The following CSRNP3 variants were observed in gnomAD, a reference collection of about 807,000 sequenced individuals.
The protein encoded by CSRNP3 is cysteine/serine-rich nuclear protein 3.
Under a neutral mutation model 48.0 loss-of-function variants are expected in CSRNP3, and 12 were observed. The ratio of observed to expected loss-of-function variants is 0.25; its 90% CI spans 0.16 to 0.41. The LOEUF (loss-of-function observed/expected upper bound fraction) is 0.41, where lower values mean the gene tolerates loss of function less well. Ranked by LOEUF, CSRNP3 falls within the 10% of genes least tolerant of loss-of-function variation. CSRNP3 has a pLI of 1.00. For missense variants in CSRNP3, 580 were observed against 724.4 expected, an observed-to-expected ratio of 0.80 and a Z score of 2.29; for synonymous variants, 263 against 269.7, an observed-to-expected ratio of 0.98 and a Z score of 0.24.
chr2:165,588,461 G>A (rs999830299), intron 3 of CSRNP3, among the ~76,000 whole-genome samples: 27 of 152,218 alleles, frequency 1.8e-4, no homozygotes, highest in Admixed American at 1.6e-3. Flanking sequence ...CAGTGGATGC[G>A]AGAGAATAAT....
intron 1 of CSRNP3, among the ~76,000 whole-genome samples, chr2:165,479,202 A>G (rs1159171484): frequency 2.0e-5 from 3 of 152,192 alleles, no homozygotes; most frequent in African/African-American, 7.2e-5. Context: ...AAGGAAAATT[A>G]AGTAACGTAG....
chr2:165,477,820 T>C (rs1683985329), intron 1 of CSRNP3, among the ~76,000 whole-genome samples: 1 of 151,918 alleles, frequency 6.6e-6, no homozygotes, highest in Non-Finnish European at 1.5e-5. Flanking sequence ...CTGCAAAAGA[T>C]ACAAAATTTA....
intron 1 of CSRNP3, among the ~76,000 whole-genome samples, chr2:165,477,195 A>G (rs1437421029): frequency 6.6e-6 from 1 of 152,054 alleles, no homozygotes; most frequent in Admixed American, 6.6e-5. Flanking sequence ...ATAATTGAAG[A>G]TTTCATAAAA....
chr2:165,545,995 G>A (rs1015672806), intron 3 of CSRNP3, among the ~76,000 whole-genome samples: 1 of 151,982 alleles, frequency 6.6e-6, no homozygotes, highest in African/African-American at 2.4e-5. Flanking sequence ...TTATTTGTCT[G>A]CAGTACATAA....
intron 3 of CSRNP3, among the ~76,000 whole-genome samples, chr2:165,559,796 C>CTTTTTTTTTT (rs11313094): frequency 9.0e-4 from 89 of 98,422 alleles, no homozygotes; most frequent in Non-Finnish European, 1.3e-3. Context: ...TTCTTTCTTT[C>CTTTTTTTTTT]TTTTTTTTTT....
At chr2:165,600,254 G>C (rs1009607298) in intron 4 of CSRNP3, among the ~76,000 whole-genome samples, 41 of 145,436 alleles carry the variant, frequency 2.8e-4, no homozygotes, top group East Asian at 8.0e-4. Context: ...CCCTACAAAG[G>C]ACATGAACTC....
At chr2:165,597,034 G>GAT (rs981678916) in intron 4 of CSRNP3, among the ~76,000 whole-genome samples, 1 of 152,086 alleles carries the variant, frequency 6.6e-6, no homozygotes, top group Non-Finnish European at 1.5e-5. Flanking sequence ...GTTGAGCCTG[G>GAT]ATATATATAC....
At chr2:165,575,162 T>C (rs536708925) in intron 3 of CSRNP3, among the ~76,000 whole-genome samples, 14 of 152,312 alleles carry the variant, frequency 9.2e-5, no homozygotes, top group African/African-American at 2.4e-4. Context: ...AAAAGTCTTC[T>C]TTCCATGCAC....
intron 4 of CSRNP3, among the ~76,000 whole-genome samples, chr2:165,654,909 C>T (rs1345509939): frequency 2.0e-5 from 3 of 152,258 alleles, no homozygotes; most frequent in South Asian, 2.1e-4. Context: ...GGATTACAGG[C>T]GTCAGCCTCA....
chr2:165,543,574 C>G (rs948678599), intron 3 of CSRNP3, among the ~76,000 whole-genome samples: 2 of 151,866 alleles, frequency 1.3e-5, no homozygotes, highest in Non-Finnish European at 2.9e-5. Flanking sequence ...AAACTAAATT[C>G]TTTTCTTTTT....
chr2:165,550,556 CGTT>C (rs1685083393), intron 3 of CSRNP3, among the ~76,000 whole-genome samples: 2 of 152,288 alleles, frequency 1.3e-5, no homozygotes, highest in South Asian at 4.1e-4. Context: ...AATATGCTTA[CGTT>C]GTTCCTGTTG....
At chr2:165,558,549 C>T (rs748009451) in intron 3 of CSRNP3, among the ~76,000 whole-genome samples, 3 of 152,024 alleles carry the variant, frequency 2.0e-5, no homozygotes, top group Admixed American at 6.6e-5. Context: ...TCCATCATTC[C>T]ACTGTTAAAC....
chr2:165,619,154 A>G (rs1456715684), intron 4 of CSRNP3, among the ~76,000 whole-genome samples: 1 of 152,184 alleles, frequency 6.6e-6, no homozygotes, highest in East Asian at 1.9e-4. Context: ...AGAGCAACCA[A>G]CAGTTAAACT....
In CSRNP3 at chr2:165,676,615, G is replaced by C; in HGVS notation, c.705+7G>C. 1 of 1,609,776 alleles carries C rather than the reference G, an allele frequency of 6.2e-7. No homozygotes were observed. Among genetic ancestry groups the C allele is most frequent in the Non-Finnish European group, 8.5e-7 (1 of 1,176,454 alleles). ...GGCTGGCATTAAGTGCCAGGTAAGG[G>C]TTGGGAATTCAGGGCATCCAAAGAC... is the stretch of plus-strand genomic sequence containing the variant. On this transcript the variant is annotated splice_region_variant and intron_variant, in intron 6 of 6. Coordinates refer to ENST00000651982, the MANE Select transcript of CSRNP3 (RefSeq NM_001172173.2).
rs71028497 is a variant in CSRNP3, at chr2:165,653,972, C to CAAAAAAAAAAAAA, written c.149-3765_149-3753dup. ...GGGCAACAAGAGCGAAGCTCTATCA[C>CAAAAAAAAAAAAA]AAAAAAAAAAAAAAAAAAAAAAAAA... On this transcript the variant is annotated intron_variant, in intron 4 of 6. Transcript: ENST00000651982. Among the ~76,000 whole-genome samples, 11 of 41,226 alleles carry CAAAAAAAAAAAAA rather than the reference C, an allele frequency of 2.7e-4. 1 individual carries two copies. The highest frequency in any genetic ancestry group is 5.9e-4 in the African/African-American group (6 of 10,118). The allele number at this position is 41,226 out of a possible 152,430, so 27.0% of individuals were successfully genotyped here.
chr2:165,618,418 C>T (rs1686287077), intron 4 of CSRNP3, among the ~76,000 whole-genome samples: 1 of 152,188 alleles, frequency 6.6e-6, no homozygotes, highest in Admixed American at 6.5e-5. Context: ...CTCTGCGAAG[C>T]ATGTTATCTT....
intron 3 of CSRNP3, among the ~76,000 whole-genome samples, chr2:165,565,359 A>C (rs980736745): frequency 6.6e-6 from 1 of 152,104 alleles, no homozygotes; most frequent in Non-Finnish European, 1.5e-5. Context: ...CTTGAATGAA[A>C]TGTTGATGTT....
chr2:165,594,932 C>A, intron 3 of CSRNP3, 111 bp from the exon 4 acceptor site: 1 of 804,352 alleles, frequency 1.2e-6, no homozygotes. Flanking sequence ...CAAGGGAAAG[C>A]TATAGCTCAG....
chr2:165,667,372 T>C (rs983090143), intron 5 of CSRNP3, among the ~76,000 whole-genome samples: 12 of 152,234 alleles, frequency 7.9e-5, no homozygotes, highest in African/African-American at 2.9e-4. Flanking sequence ...TAATTACTGC[T>C]CTTTTTTGTC....
Sources: gnomAD v4.1 joint callset for allele counts (sites outside exome capture counted in the v4.1 genomes callset) on GRCh38, gnomAD v4.1.1 for gene constraint, MANE v1.5 for transcripts, NCBI Gene and HGNC (gene_info 2026-07-23, HGNC 2026-07-21) for gene names.